The following ARHGAP24 variants were observed in gnomAD, a reference collection of about 807,000 sequenced individuals.
ARHGAP24 encodes the protein Rho GTPase activating protein 24.
ARHGAP24 carries 50 observed loss-of-function variants against 76.4 expected under a neutral mutation model. That is an observed-to-expected ratio of 0.65 (90% CI 0.52 to 0.83). ARHGAP24 has a LOEUF of 0.83. Ranked by LOEUF, ARHGAP24 falls within the 40% of genes least tolerant of loss-of-function variation. The pLI is 0.00. For missense variants in ARHGAP24, 930 were observed against 914.2 expected, an observed-to-expected ratio of 1.02 and a Z score of -0.22; for synonymous variants, 345 against 323.3, an observed-to-expected ratio of 1.07 and a Z score of -0.72.
At chr4:85,577,910 A>G (rs550326635) in intron 2 of ARHGAP24, among the ~76,000 whole-genome samples, 2 of 152,322 alleles carry the variant, frequency 1.3e-5, no homozygotes, top group East Asian at 1.9e-4. Flanking sequence ...AAGTATTCCC[A>G]TACCTAAGAA....
At chr4:85,947,669 A>G (rs1046895556) in intron 5 of ARHGAP24, among the ~76,000 whole-genome samples, 2 of 152,214 alleles carry the variant, frequency 1.3e-5, no homozygotes, top group African/African-American at 4.8e-5. Flanking sequence ...AATATATTTC[A>G]GGAGCATTCA....
intron 5 of ARHGAP24, among the ~76,000 whole-genome samples, chr4:85,949,728 TA>T (rs1283578239): frequency 6.6e-6 from 1 of 152,124 alleles, no homozygotes; most frequent in Non-Finnish European, 1.5e-5. Context: ...CAATTCAGCT[TA>T]AAAAGGGGAG....
At chr4:85,594,940 A>G (rs1013204408) in intron 2 of ARHGAP24, among the ~76,000 whole-genome samples, 2 of 151,574 alleles carry the variant, frequency 1.3e-5, no homozygotes, top group African/African-American at 4.8e-5. Context: ...ATTTAAGTAC[A>G]GTGACTCAAC....
chr4:85,693,612 T>C lies in ARHGAP24; in HGVS notation c.181-28273T>C, dbSNP rs142561980. ...GAGGTCCAAAGTGCTCCCAGGCCAC[T>C]AGAAACATACTCAGGTGGAGCAAAA... On this transcript the variant is annotated intron_variant, in intron 2 of 9. Transcript: ENST00000395184. 5.4e-3 allele frequency among the ~76,000 whole-genome samples: 815 copies of C among 152,246 alleles called. 7 individuals are homozygous for C. Among genetic ancestry groups the C allele is most frequent in the African/African-American group, 0.019 (771 of 41,550 alleles).
intron 4 of ARHGAP24, among the ~76,000 whole-genome samples, chr4:85,927,601 TA>T (rs1369779106): frequency 6.6e-6 from 1 of 152,188 alleles, no homozygotes; most frequent in Non-Finnish European, 1.5e-5. Flanking sequence ...CAGGCCCTGT[TA>T]ATACTAAATG....
intron 3 of ARHGAP24, among the ~76,000 whole-genome samples, chr4:85,870,620 A>G (rs1439141086): frequency 4.6e-5 from 7 of 152,184 alleles, no homozygotes. Context: ...TGATACGAAC[A>G]TACGAGTGCT....
chr4:85,855,103 A>G lies in ARHGAP24; in HGVS notation c.269-68545A>G, dbSNP rs140945632. Among the ~76,000 whole-genome samples, 185 of 152,322 alleles carry G rather than the reference A, an allele frequency of 1.2e-3. 1 individual carries two copies. Among genetic ancestry groups the G allele is most frequent in the South Asian group, 3.3e-3 (16 of 4,828 alleles). On this transcript the variant is annotated intron_variant, in intron 3 of 9. Transcript: ENST00000395184. Reference sequence around the variant, plus strand: ...TATGTAGTATCAGTAGATAGTATTCAATTTTGAAAAATAGTCTTCTATGCA... The same window carrying G: ...TATGTAGTATCAGTAGATAGTATTCGATTTTGAAAAATAGTCTTCTATGCA...
chr4:85,538,890 T>C (rs1725574074), intron 1 of ARHGAP24, among the ~76,000 whole-genome samples: 1 of 152,206 alleles, frequency 6.6e-6, no homozygotes, highest in African/African-American at 2.4e-5. Context: ...AAAGGGCCAA[T>C]ATTGTAAATA....
intron 2 of ARHGAP24, 67 bp downstream of exon 2, chr4:85,570,788 A>G (rs1400361169): frequency 1.3e-6 from 2 of 1,574,178 alleles, no homozygotes; most frequent in African/African-American, 1.4e-5. Flanking sequence ...ATTTGCTAGA[A>G]ACCGATTGGG....
intron 4 of ARHGAP24, 34 bp downstream of exon 4, chr4:85,923,804 A>G (rs1322595624): frequency 6.2e-7 from 1 of 1,613,540 alleles, no homozygotes; most frequent in Admixed American, 1.7e-5. Flanking sequence ...AAAAACAGAA[A>G]GGTAGACCAA....
intron 1 of ARHGAP24, among the ~76,000 whole-genome samples, chr4:85,529,307 G>C (rs184505331): frequency 5.3e-5 from 8 of 152,002 alleles, no homozygotes; most frequent in Admixed American, 5.2e-4. Context: ...ATTAAATAAA[G>C]CACCTGTTCT....
chr4:85,907,850 T>C (rs1488727857), intron 3 of ARHGAP24, among the ~76,000 whole-genome samples: 6 of 152,158 alleles, frequency 3.9e-5, no homozygotes. Context: ...TCTTCCTGTA[T>C]TGCGGATCCT....
chr4:85,753,699 C>T (rs529595497), intron 3 of ARHGAP24, among the ~76,000 whole-genome samples: 5 of 152,202 alleles, frequency 3.3e-5, no homozygotes, highest in Middle Eastern at 3.4e-3. Flanking sequence ...ACAGATCAGC[C>T]GTCATTCTTC....
In ARHGAP24 at chr4:85,755,656, G is replaced by A. The variant is rs1241242752; in HGVS notation, c.268+33684G>A. 2.0e-3 allele frequency among the ~76,000 whole-genome samples: 83 copies of A among 40,752 alleles called. 6 individuals are homozygous for A. The highest frequency in any genetic ancestry group is 2.0e-3 in the Non-Finnish European group (18 of 9,008). 26.7% of individuals were successfully genotyped at this position (40,752 alleles called of 152,430 possible). On this transcript the variant is annotated intron_variant, in intron 3 of 9. Transcript: ENST00000395184. ...GTTTTGTTTTGTTTTGTTTTGAGACGGAGTCTCGTTCTGTTGCCCAGGCTG... is the reference window on the plus strand; with the variant it reads ...GTTTTGTTTTGTTTTGTTTTGAGACAGAGTCTCGTTCTGTTGCCCAGGCTG...
intron 3 of ARHGAP24, among the ~76,000 whole-genome samples, chr4:85,787,977 G>A (rs1232239411): frequency 2.6e-5 from 4 of 152,208 alleles, no homozygotes; most frequent in African/African-American, 9.6e-5. Flanking sequence ...CTAAGAAGAT[G>A]TGTCCAAAAC....
chr4:85,821,774 A>T (rs1365567773), intron 3 of ARHGAP24, among the ~76,000 whole-genome samples: 1 of 152,254 alleles, frequency 6.6e-6, no homozygotes, highest in Non-Finnish European at 1.5e-5. Flanking sequence ...TCAGATCATT[A>T]CATAAAAATA....
At chr4:85,513,394 G>C (rs892342571) in intron 1 of ARHGAP24, among the ~76,000 whole-genome samples, 2 of 151,988 alleles carry the variant, frequency 1.3e-5, no homozygotes, top group African/African-American at 4.8e-5. Flanking sequence ...GTCCTTTTTG[G>C]CCCCTGGGAG....
At chr4:85,703,767 C>G (rs957257686) in intron 2 of ARHGAP24, among the ~76,000 whole-genome samples, 3 of 152,128 alleles carry the variant, frequency 2.0e-5, no homozygotes, top group Non-Finnish European at 4.4e-5. Context: ...GCAGCCCAAA[C>G]AGACTAAGGC....
At position 85,837,947 on chromosome 4, in the gene ARHGAP24, C is replaced by T. The variant is rs1367182153; in HGVS notation, c.269-85701C>T. Among the ~76,000 whole-genome samples, 3 of 152,114 alleles carry T rather than the reference C, an allele frequency of 2.0e-5. No homozygotes were observed. The East Asian group carries it at 5.8e-4, about 29-fold the overall frequency. The stretch of plus-strand genomic sequence containing the variant: ...TTTATCTATATGCTAAGTAGTAAAA[C>T]AAAACCAAACTTTGAAAATGTACTC... On this transcript the variant is annotated intron_variant, in intron 3 of 9. Transcript: ENST00000395184.
Sources: allele counts gnomAD v4.1 joint callset (sites outside exome capture counted in the v4.1 genomes callset), GRCh38; gene constraint gnomAD v4.1.1; transcripts MANE v1.5; gene names NCBI Gene and HGNC (gene_info 2026-07-23, HGNC 2026-07-21).